ARHGAP23: variants seen among roughly 807,000 people sequenced by gnomAD.
ARHGAP23 encodes Rho GTPase activating protein 23, also known as rho GTPase-activating protein 23.
In ARHGAP23, 34 loss-of-function variants were observed where a neutral mutation model predicts 136.3. The ratio of observed to expected loss-of-function variants is 0.25; its 90% CI spans 0.19 to 0.33. The LOEUF is 0.33. Among genes scored for constraint, ARHGAP23 ranks in the 10% least tolerant of loss-of-function variants. The pLI, the probability that ARHGAP23 is intolerant of heterozygous loss-of-function variation, is 1.00. For missense variants in ARHGAP23, 1,808 were observed against 2,139.0 expected (o/e 0.85, Z 3.05); for synonymous variants, 832 against 920.5 (o/e 0.90, Z 1.74).
intron 1 of ARHGAP23, among the ~76,000 whole-genome samples, chr17:38,439,969 C>T (rs746434738): frequency 7.3e-5 from 11 of 151,574 alleles, no homozygotes; most frequent in African/African-American, 2.4e-4. Context: ...CTTAGGTGAT[C>T]GGCCTGCCTC....
chr17:38,477,965 G>A lies in ARHGAP23; in HGVS notation c.2436+69G>A. On this transcript the variant is annotated intron_variant, in intron 12 of 23. Coordinates refer to ENST00000622683, the MANE Select transcript of ARHGAP23 (RefSeq NM_001199417.2). The surrounding 1 kb of genome is among the most constrained non-coding windows in gnomAD (Gnocchi z 6.6). ...TGGCCTCTCACCGGCTGTGGACCTG[G>A]GATGCCCGCTCTGAGCCTCACTTCC... The A allele has an allele frequency of 6.7e-7, 1 of 1,501,906 alleles. No homozygotes were observed. The highest frequency in any genetic ancestry group is 1.4e-5 in the African/African-American group (1 of 71,924). 93.0% of individuals were successfully genotyped at this position (1,501,906 alleles called of 1,614,324 possible).
intron 1 of ARHGAP23, among the ~76,000 whole-genome samples, chr17:38,453,418 CGTGCGTGTGTGTGTGTGTGTGTGTGTGT>C (rs2039229978): frequency 9.9e-6 from 1 of 100,864 alleles, no homozygotes; most frequent in African/African-American, 4.3e-5. Flanking sequence ...CGCGCGTATG[CGTGCGTGTGTGTGTGTGTGTGTGTGTGT>C]GTGTGTGTGT....
intron 1 of ARHGAP23, among the ~76,000 whole-genome samples, chr17:38,420,268 C>G (rs1391374637): frequency 6.6e-6 from 1 of 152,226 alleles, no homozygotes; most frequent in Non-Finnish European, 1.5e-5. Context: ...TGATGGGGGG[C>G]AGAGCGAGGG....
intron 11 of ARHGAP23, among the ~76,000 whole-genome samples, chr17:38,472,776 C>A (rs34895776): frequency 1.3e-5 from 2 of 152,156 alleles, no homozygotes; most frequent in African/African-American, 4.8e-5. Flanking sequence ...CTCTGAGAGC[C>A]TGGGTGACTC....
At chr17:38,509,800 GT>G in intron 23 of ARHGAP23, 143 bp from the exon 24 acceptor site, 1 of 590,988 alleles carries the variant, frequency 1.7e-6, no homozygotes, top group Non-Finnish European at 2.5e-6. Context: ...GAGGAGGAGC[GT>G]TTTATGATGC....
chr17:38,480,595 C>T (rs538978570), intron 14 of ARHGAP23, among the ~76,000 whole-genome samples: 20 of 150,244 alleles, frequency 1.3e-4, no homozygotes, highest in Admixed American at 2.0e-4. Context: ...GATCGCGCCA[C>T]TGCACTCTAG....
chr17:38,499,111 T>C (rs1002621889), intron 22 of ARHGAP23, among the ~76,000 whole-genome samples: 2 of 152,186 alleles, frequency 1.3e-5, no homozygotes, highest in Non-Finnish European at 1.5e-5. Flanking sequence ...CAGCAGTCCA[T>C]GCCCCTCCCA....
At chr17:38,496,495 A>G (rs537086483) in intron 20 of ARHGAP23, among the ~76,000 whole-genome samples, 2 of 152,284 alleles carry the variant, frequency 1.3e-5, no homozygotes, top group Admixed American at 6.5e-5. Flanking sequence ...CATAAATACA[A>G]TAAAAGCCAA....
chr17:38,434,326 G>T (rs915537562), intron 1 of ARHGAP23, among the ~76,000 whole-genome samples: 1 of 152,362 alleles, frequency 6.6e-6, no homozygotes, highest in African/African-American at 2.4e-5. Flanking sequence ...ATTTGGGGGC[G>T]TCCGGGGGTC....
chr17:38,425,753 G>A (rs1337924115), upstream of ARHGAP23, among the ~76,000 whole-genome samples: 4 of 152,152 alleles, frequency 2.6e-5, no homozygotes, highest in South Asian at 2.1e-4. Context: ...AGAGTGTCGA[G>A]AGAGGAAGGG....
At chr17:38,462,506 T>C (rs2039485710) in intron 3 of ARHGAP23, among the ~76,000 whole-genome samples, 1 of 152,202 alleles carries the variant, frequency 6.6e-6, no homozygotes, top group African/African-American at 2.4e-5. Context: ...TCCACCCGCC[T>C]TGGCCTCCCA....
intron 23 of ARHGAP23, among the ~76,000 whole-genome samples, chr17:38,501,550 C>T (rs1349797022): frequency 6.9e-6 from 1 of 144,076 alleles, no homozygotes; most frequent in Non-Finnish European, 1.6e-5. Context: ...ATCCGTCCCC[C>T]TTGGCCTCCG....
At chr17:38,485,948 A>G (rs751894079) in intron 16 of ARHGAP23, 114 bp from the exon 17 acceptor site, 761 of 941,656 alleles carry the variant, frequency 8.1e-4, no homozygotes, top group Non-Finnish European at 1.1e-3. Context: ...AGCTTGGTCT[A>G]AGTAGGTCCC....
rs2040722471 is a variant in ARHGAP23, at chr17:38,510,148, C to T, written c.3652C>T (p.Pro1218Ser). The T allele has an allele frequency of 1.6e-6, 2 of 1,280,542 alleles. No homozygotes were observed. Among genetic ancestry groups the T allele is most frequent in the Admixed American group, 4.2e-5 (1 of 23,874 alleles). The allele number at this position is 1,280,542 out of a possible 1,614,324, so 79.3% of individuals were successfully genotyped here. ...GTQERPQGPL[P>S]GAVAPEAPGR... ...TCAGGAGCGGCCGCAGGGGCCGCTG[C>T]CTGGCGCCGTCGCCCCCGAGGCCCC... The change falls in exon 24 of 24, where the codon CCT becomes TCT. Residue 1218 changes from proline to serine, a missense_variant. Pro to Ser is a moderately conservative substitution (Grantham distance 74). Transcript: ENST00000622683. This position sits in a 1 kb window ranked among gnomAD's most constrained non-coding sequence, Gnocchi z 4.6.
At chr17:38,468,161 A>T (rs888077616) in intron 7 of ARHGAP23, among the ~76,000 whole-genome samples, 1 of 152,218 alleles carries the variant, frequency 6.6e-6, no homozygotes, top group Non-Finnish European at 1.5e-5. Flanking sequence ...AAAGACCCTG[A>T]AGGGAGAGAG....
chr17:38,474,651 C>T (rs2039846668), intron 11 of ARHGAP23, among the ~76,000 whole-genome samples: 1 of 152,078 alleles, frequency 6.6e-6, no homozygotes, highest in Non-Finnish European at 1.5e-5. Flanking sequence ...TAGAGGGAGG[C>T]CCACCTGGGG....
chr17:38,465,045 G>A (rs1417632484), intron 6 of ARHGAP23, among the ~76,000 whole-genome samples: 1 of 151,870 alleles, frequency 6.6e-6, no homozygotes, highest in African/African-American at 2.4e-5. Flanking sequence ...GAGGGGGACC[G>A]GAGGCCCTGG....
chr17:38,484,970 C>T (rs947650953), intron 16 of ARHGAP23, among the ~76,000 whole-genome samples: 4 of 152,132 alleles, frequency 2.6e-5, no homozygotes, highest in African/African-American at 7.2e-5. Context: ...GGTATTAGGT[C>T]GCTTTCTGGG....
At chr17:38,456,942 G>A (rs990601627) in intron 1 of ARHGAP23, among the ~76,000 whole-genome samples, 3 of 151,598 alleles carry the variant, frequency 2.0e-5, no homozygotes, top group Non-Finnish European at 2.9e-5. Context: ...ACGAAGTCTC[G>A]CTCTGTCACT....
Sources: allele counts gnomAD v4.1 joint callset (sites outside exome capture counted in the v4.1 genomes callset), GRCh38; gene constraint gnomAD v4.1.1; non-coding constraint Gnocchi (gnomAD v3.1); transcripts MANE v1.5; gene names NCBI Gene and HGNC (gene_info 2026-07-23, HGNC 2026-07-21).